Variants in DIXDC1 observed in about 807,000 individuals in gnomAD.
The protein encoded by DIXDC1 is DIX domain containing 1.
Under a neutral mutation model 103.1 loss-of-function variants are expected in DIXDC1, and 64 were observed. The ratio of observed to expected loss-of-function variants is 0.62; its 90% CI spans 0.51 to 0.76. DIXDC1 has a LOEUF of 0.76. Ranked by LOEUF, DIXDC1 falls within the 30% of genes least tolerant of loss-of-function variation. DIXDC1 has a pLI of 0.00. For synonymous variants in DIXDC1, 266 were observed against 298.5 expected (o/e 0.89, Z 1.12); for missense variants, 759 against 834.2 (o/e 0.91, Z 1.11).
At chr11:111,936,243 G>A (rs192165987), upstream of DIXDC1, among the ~76,000 whole-genome samples, 9 of 152,334 alleles carry the variant, frequency 5.9e-5, no homozygotes, top group African/African-American at 1.9e-4. Flanking sequence ...ATCACGAGGT[G>A]GAATGTAAAA....
chr11:111,930,983 A>G (rs768223409), intron 2 of DIXDC1, among the ~76,000 whole-genome samples: 3 of 150,598 alleles, frequency 2.0e-5, no homozygotes, highest in Non-Finnish European at 4.4e-5. Context: ...CCTCCCGAGC[A>G]GCTGGGATTA....
chr11:111,938,259 T>G (rs1048063253), intron 1 of DIXDC1, among the ~76,000 whole-genome samples: 2 of 152,122 alleles, frequency 1.3e-5, no homozygotes, highest in Non-Finnish European at 1.5e-5. Flanking sequence ...TCTCTTACAA[T>G]TCTGTTTATT....
At chr11:111,942,213 A>T (rs1258592218) in intron 1 of DIXDC1, among the ~76,000 whole-genome samples, 3 of 152,222 alleles carry the variant, frequency 2.0e-5, no homozygotes, top group Non-Finnish European at 4.4e-5. Flanking sequence ...GCACCCTGGC[A>T]GCAGGCTATC....
intron 1 of DIXDC1, among the ~76,000 whole-genome samples, chr11:111,928,073 C>A (rs1238565834): frequency 1.3e-5 from 2 of 149,432 alleles, no homozygotes; most frequent in Non-Finnish European, 3.0e-5. Flanking sequence ...GAATTTAAAG[C>A]ACTTGCGACA....
chr11:111,933,975 A>G (rs982158479), upstream of DIXDC1, among the ~76,000 whole-genome samples: 6 of 152,348 alleles, frequency 3.9e-5, 1 homozygote, highest in Admixed American at 3.3e-4. Context: ...AGACGTGATT[A>G]ATGTTTCTCC....
At chr11:111,993,088 A>G (rs1333782766) in intron 12 of DIXDC1, 84 bp downstream of exon 12, 28 of 1,427,190 alleles carry the variant, frequency 2.0e-5, no homozygotes, top group Non-Finnish European at 2.5e-5. Context: ...GCACTTAAGT[A>G]TTCTATTTTC....
rs1860124877 is a variant in DIXDC1 at position 111,977,114 on chromosome 11, C to CCT, written c.656+2135_656+2136dup. The CCT allele has an allele frequency of 3.6e-6, 1 of 275,866 alleles. No individual in the cohort carries two copies. Among genetic ancestry groups the CCT allele is most frequent in the Non-Finnish European group, 5.5e-6 (1 of 180,988 alleles). The allele number at this position is 275,866 out of a possible 1,614,324, so 17.1% of individuals were successfully genotyped here. A position where few individuals can be genotyped will look rare whatever the true frequency, so the allele number is the denominator to read the frequency against. On this transcript the variant is annotated intron_variant, in intron 5 of 19. Coordinates refer to ENST00000440460, the MANE Select transcript of DIXDC1 (RefSeq NM_001037954.4). This position sits in a 1 kb window ranked among gnomAD's most constrained non-coding sequence, Gnocchi z 6.1. ...CTGCCTATCCTGAGGCTCCCAATCT[C>CCT]CTCTCCTCGCATCCCCCAACCCCTC...
rs1185713720 is a variant in DIXDC1, at chr11:111,937,348, G to A, written c.-152G>A. 20 of 1,425,118 alleles carry A rather than the reference G, an allele frequency of 1.4e-5. No homozygotes were observed. In the East Asian group the frequency reaches 3.2e-4, roughly 23 times the overall value. The allele number at this position is 1,425,118 out of a possible 1,614,324, so 88.3% of individuals were successfully genotyped here. On this transcript the variant is annotated 5_prime_UTR_variant, in exon 1 of 20. Transcript: ENST00000440460. ...CATGCCCAGTGCAAGCCGCTAGTTT[G>A]GCTCCAGTCTAGGTTTCCAGTAAGT... is the stretch of plus-strand genomic sequence containing the variant.
chr11:111,944,472 G>A (rs1001960460), intron 1 of DIXDC1, among the ~76,000 whole-genome samples: 4 of 152,116 alleles, frequency 2.6e-5, no homozygotes, highest in Admixed American at 1.3e-4. Context: ...ACTGAGGCTC[G>A]GCTTACAAAC....
At chr11:111,951,606 C>T (rs1966807064) in intron 1 of DIXDC1, among the ~76,000 whole-genome samples, 1 of 152,156 alleles carries the variant, frequency 6.6e-6, no homozygotes, top group Non-Finnish European at 1.5e-5. Flanking sequence ...TATGTCCCCA[C>T]CCAAATCTCT....
At chr11:111,933,151 G>A (rs587736509), upstream of DIXDC1, among the ~76,000 whole-genome samples, 27 of 152,038 alleles carry the variant, frequency 1.8e-4, no homozygotes, top group African/African-American at 5.3e-4. Flanking sequence ...TTTTTGAGAC[G>A]GAGTTACGCT....
At position 112,022,492 on chromosome 11, in the gene DIXDC1, G is replaced by A. The variant is rs1861788977; in HGVS notation, c.*3456G>A. 1 of 152,634 alleles carries A rather than the reference G, an allele frequency of 6.6e-6. No individual in the cohort carries two copies. The allele number at this position is 152,634 out of a possible 1,614,324, so 9.5% of individuals were successfully genotyped here. Reference sequence around the variant, plus strand: ...ACACCAGAGGCTTCTGATTATCAAAGTGATAACCAGTTTTAACTGCCGGTA... The same window carrying A: ...ACACCAGAGGCTTCTGATTATCAAAATGATAACCAGTTTTAACTGCCGGTA... On this transcript the variant is annotated 3_prime_UTR_variant, in exon 20 of 20. Transcript: ENST00000440460. This position sits in a 1 kb window ranked among gnomAD's most constrained non-coding sequence, Gnocchi z 4.9.
In DIXDC1 at chr11:111,998,809, C is replaced by T. The variant is rs948203180; in HGVS notation, c.1756+2663C>T. Among the ~76,000 whole-genome samples, 4 of 152,216 alleles carry T rather than the reference C, an allele frequency of 2.6e-5. No homozygotes were observed. Among genetic ancestry groups the T allele is most frequent in the African/African-American group, 4.8e-5 (2 of 41,450 alleles). ...CCGGCCTCCCAAAGTGCTGGGATTA[C>T]AGGCGTGAGCCACCGCGCCTGGCCT... On this transcript the variant is annotated intron_variant, in intron 17 of 19. Coordinates refer to ENST00000440460, the MANE Select transcript of DIXDC1 (RefSeq NM_001037954.4). This position sits in a 1 kb window ranked among gnomAD's most constrained non-coding sequence, Gnocchi z 4.1.
chr11:111,937,356 T>G lies in DIXDC1; in HGVS notation c.-144T>G. 6 of 1,438,192 alleles carry G rather than the reference T, an allele frequency of 4.2e-6. No homozygotes were observed. Among genetic ancestry groups the G allele is most frequent in the Non-Finnish European group, 5.5e-6 (6 of 1,096,938 alleles). The allele number at this position is 1,438,192 out of a possible 1,614,324, so 89.1% of individuals were successfully genotyped here. On this transcript the variant is annotated 5_prime_UTR_variant, in exon 1 of 20. Transcript: ENST00000440460. ...GTGCAAGCCGCTAGTTTGGCTCCAGTCTAGGTTTCCAGTAAGTGGCATGCG... is the reference window on the plus strand; with the variant it reads ...GTGCAAGCCGCTAGTTTGGCTCCAGGCTAGGTTTCCAGTAAGTGGCATGCG...
At chr11:111,966,366 G>A (rs1229724292) in intron 2 of DIXDC1, among the ~76,000 whole-genome samples, 2 of 145,506 alleles carry the variant, frequency 1.4e-5, no homozygotes, top group Non-Finnish European at 3.0e-5. Flanking sequence ...GGGACTACAT[G>A]CGTGCACCAC....
At chr11:112,008,131 CAAAAAA>C (rs782037838) in intron 17 of DIXDC1, among the ~76,000 whole-genome samples, 4 of 52,272 alleles carry the variant, frequency 7.7e-5, no homozygotes, top group African/African-American at 2.1e-4. Flanking sequence ...AAATGCAAAG[CAAAAAA>C]AAAAAAAAAA....
At chr11:111,973,887 T>A (rs1592582789) in intron 3 of DIXDC1, 136 bp from the exon 4 acceptor site, 1 of 714,622 alleles carries the variant, frequency 1.4e-6, no homozygotes, top group Non-Finnish European at 2.3e-6. Flanking sequence ...GCCCAGAGCT[T>A]TGTGAGGACT....
At chr11:111,988,108 C>T (rs1354261868) in intron 9 of DIXDC1, among the ~76,000 whole-genome samples, 1 of 152,138 alleles carries the variant, frequency 6.6e-6, no homozygotes, top group East Asian at 1.9e-4. Flanking sequence ...AAGCGATCCT[C>T]CCACCTCAGC....
chr11:111,978,456 G>A (rs1427936141), intron 5 of DIXDC1, among the ~76,000 whole-genome samples: 7 of 152,016 alleles, frequency 4.6e-5, no homozygotes, highest in East Asian at 1.9e-4. Flanking sequence ...CTTGGCCATC[G>A]AGTTTCATGG....
Sources: gnomAD v4.1 joint callset for allele counts (sites outside exome capture counted in the v4.1 genomes callset) on GRCh38, gnomAD v4.1.1 for gene constraint, Gnocchi (gnomAD v3.1) non-coding constraint, MANE v1.5 for transcripts, NCBI Gene and HGNC (gene_info 2026-07-23, HGNC 2026-07-21) for gene names.